HCN1: variants seen among roughly 807,000 people sequenced by gnomAD.
HCN1 encodes the protein hyperpolarization activated cyclic nucleotide gated potassium channel 1.
Under a neutral mutation model 78.9 loss-of-function variants are expected in HCN1, and 13 were observed. The observed-to-expected ratio is 0.16, with a 90% CI of 0.11 to 0.26. The LOEUF is 0.26. Among genes scored for constraint, HCN1 ranks in the 10% least tolerant of loss-of-function variants. The pLI is 1.00. For synonymous variants in HCN1, 552 were observed against 455.5 expected (o/e 1.21, Z -2.70); for missense variants, 810 against 1,154.3 (o/e 0.70, Z 4.32).
Position 45,570,421 on chromosome 5 carries a change from C to A in HCN1, c.849+74764G>T, listed in dbSNP as rs6898663. ...ATTAGGCAGGCCAATTGATTATTAA[C>A]AGTCTTTTGGCAATAATCTTTTCAC... is the stretch of plus-strand genomic sequence containing the variant. On this transcript the variant is annotated intron_variant, in intron 2 of 7. Coordinates refer to ENST00000303230, the MANE Select transcript of HCN1 (RefSeq NM_021072.4). Among the ~76,000 whole-genome samples, 313 of 152,176 alleles carry A rather than the reference C, an allele frequency of 2.1e-3. 3 individuals are homozygous for A. The highest frequency in any genetic ancestry group is 7.2e-3 in the African/African-American group (299 of 41,538).
At chr5:45,645,120 T>TTTA in intron 2 of HCN1, 65 bp downstream of exon 2, 3 of 1,232,178 alleles carry the variant, frequency 2.4e-6, no homozygotes, top group Non-Finnish European at 3.5e-6. Flanking sequence ...CAGTTGTTCA[T>TTTA]TGTAAAACAG....
intron 2 of HCN1, among the ~76,000 whole-genome samples, chr5:45,515,735 C>T (rs1013118730): frequency 5.3e-5 from 8 of 152,054 alleles, no homozygotes; most frequent in Middle Eastern, 3.4e-3. Flanking sequence ...ACTTTATACC[C>T]AACCTATAAC....
intron 1 of HCN1, among the ~76,000 whole-genome samples, chr5:45,666,705 A>G (rs1246559260): frequency 6.6e-6 from 1 of 152,070 alleles, no homozygotes; most frequent in African/African-American, 2.4e-5. Flanking sequence ...CCATTATATT[A>G]TATCACCATT....
rs558927914 is a variant in HCN1, at chr5:45,531,496, A to C, written c.850-69489T>G. On this transcript the variant is annotated intron_variant, in intron 2 of 7. Coordinates refer to ENST00000303230, the MANE Select transcript of HCN1 (RefSeq NM_021072.4). ...GGTACTCTACTAGTCCCGTGTTTTT[A>C]AAGAACACCCTCTGTTGTCCTCAGA... Among the ~76,000 whole-genome samples, 10 of 152,248 alleles carry C rather than the reference A, an allele frequency of 6.6e-5. No individual in the cohort carries two copies. The East Asian group carries it at 9.7e-4, about 15-fold the overall frequency.
In HCN1 at chr5:45,372,048, TATATA is replaced by T. The variant is rs1392376028; in HGVS notation, c.1231-18807_1231-18803del. ...ATAATATAATTATATATATATTATATATATAATATAATTATATTATATATTATATA... is the reference window on the plus strand; with the variant it reads ...ATAATATAATTATATATATATTATATATATAATTATATTATATATTATATA... On this transcript the variant is annotated intron_variant, in intron 4 of 7. Coordinates refer to ENST00000303230, the MANE Select transcript of HCN1 (RefSeq NM_021072.4). Among the ~76,000 whole-genome samples, 4 of 58,000 alleles carry T rather than the reference TATATA, an allele frequency of 6.9e-5. No homozygotes were observed. The South Asian group carries it at 1.3e-3, about 19-fold the overall frequency. 38.1% of individuals were successfully genotyped at this position (58,000 alleles called of 152,430 possible).
At chr5:45,611,274 T>C (rs184262530) in intron 2 of HCN1, among the ~76,000 whole-genome samples, 1,948 of 141,708 alleles carry the variant, frequency 0.014, 44 homozygotes, top group African/African-American at 0.047. Context: ...TTTTTCTTTT[T>C]TTTTTTTTTT....
intron 1 of HCN1, among the ~76,000 whole-genome samples, chr5:45,677,901 A>C (rs1326682694): frequency 2.0e-5 from 3 of 151,788 alleles, no homozygotes; most frequent in Non-Finnish European, 4.4e-5. Context: ...TGTATTTTTA[A>C]ATTATCCATT....
chr5:45,663,042 C>T (rs1460202226), intron 1 of HCN1, among the ~76,000 whole-genome samples: 72 of 148,232 alleles, frequency 4.9e-4, no homozygotes, highest in Non-Finnish European at 8.0e-4. Context: ...CATCACACTA[C>T]CTGACTTCAA....
chr5:45,357,971 T>C (rs1051214929), intron 4 of HCN1, among the ~76,000 whole-genome samples: 1 of 152,018 alleles, frequency 6.6e-6, no homozygotes, highest in Admixed American at 6.6e-5. Context: ...TCTTGCTTCC[T>C]TTCTCACCAT....
chr5:45,308,240 C>T (rs1745776697), intron 5 of HCN1, among the ~76,000 whole-genome samples: 1 of 152,066 alleles, frequency 6.6e-6, no homozygotes, highest in South Asian at 2.1e-4. Flanking sequence ...GAAACAGATG[C>T]TGGTGCCATG....
intron 2 of HCN1, among the ~76,000 whole-genome samples, chr5:45,533,749 G>C (rs1742906648): frequency 6.6e-6 from 1 of 152,180 alleles, no homozygotes; most frequent in African/African-American, 2.4e-5. Flanking sequence ...TTCCCATAAA[G>C]AGCAGAGGCT....
intron 5 of HCN1, among the ~76,000 whole-genome samples, chr5:45,311,024 G>A (rs1745842074): frequency 6.6e-6 from 1 of 152,102 alleles, no homozygotes; most frequent in South Asian, 2.1e-4. Context: ...AGGGTGGAAG[G>A]AGGGATAGAA....
At chr5:45,363,297 T>A (rs755074919) in intron 4 of HCN1, among the ~76,000 whole-genome samples, 79 of 151,584 alleles carry the variant, frequency 5.2e-4, no homozygotes, top group Non-Finnish European at 9.4e-4. Context: ...GGTTTTTGCA[T>A]CAGGGCTCTC....
intron 6 of HCN1, among the ~76,000 whole-genome samples, chr5:45,291,270 C>T (rs1037572647): frequency 6.6e-6 from 1 of 151,966 alleles, no homozygotes; most frequent in Non-Finnish European, 1.5e-5. Context: ...TGTTCACTAC[C>T]TTCCCACATG....
chr5:45,390,781 C>G (rs1364081384), intron 4 of HCN1, among the ~76,000 whole-genome samples: 1 of 152,102 alleles, frequency 6.6e-6, no homozygotes, highest in African/African-American at 2.4e-5. Context: ...CAAACTCCCT[C>G]CCTTATAAAG....
At chr5:45,546,789 A>G (rs917002980) in intron 2 of HCN1, among the ~76,000 whole-genome samples, 1 of 151,854 alleles carries the variant, frequency 6.6e-6, no homozygotes, top group Non-Finnish European at 1.5e-5. Flanking sequence ...TCGTTATTCC[A>G]ACTATACTAT....
intron 3 of HCN1, among the ~76,000 whole-genome samples, chr5:45,402,781 CTTCCT>C (rs906665213): frequency 6.7e-5 from 10 of 150,282 alleles, no homozygotes; most frequent in African/African-American, 1.7e-4. Flanking sequence ...TTCCTTCTTT[CTTCCT>C]TTCCTTTCCT....
At position 45,267,150 on chromosome 5, in the gene HCN1, C is replaced by T; in HGVS notation, c.1722G>A (p.Glu574=). Residue 574 remains glutamate (E), a synonymous_variant, in exon 7 of 8, where the codon GAG becomes GAA. Transcript: ENST00000303230. ...AGGCTCTCCTCATCATTGGATATTC[C>T]TCCAGGACCTCGTTGAAATTGTCCA... ...LSVDNFNEVL[E]EYPMMRRAFE... The T allele has an allele frequency of 2.5e-6, 4 of 1,613,926 alleles. No individual in the cohort carries two copies. In the South Asian group the frequency reaches 4.4e-5, roughly 18 times the overall value.
chr5:45,296,074 C>A (rs1255795756), intron 6 of HCN1, among the ~76,000 whole-genome samples: 1 of 151,820 alleles, frequency 6.6e-6, no homozygotes, highest in Non-Finnish European at 1.5e-5. Flanking sequence ...CAGTAGCCAC[C>A]CCATGTCATC....
Sources: allele counts gnomAD v4.1 joint callset (sites outside exome capture counted in the v4.1 genomes callset), GRCh38; gene constraint gnomAD v4.1.1; transcripts MANE v1.5; gene names NCBI Gene and HGNC (gene_info 2026-07-23, HGNC 2026-07-21).